Variants in COP1 observed in about 807,000 individuals in gnomAD.
The protein encoded by COP1 is E3 ubiquitin-protein ligase COP1.
Under a neutral mutation model 101.3 loss-of-function variants are expected in COP1, and 24 were observed. The ratio of observed to expected loss-of-function variants is 0.24; its 90% CI spans 0.17 to 0.33. The LOEUF (loss-of-function observed/expected upper bound fraction) is 0.33. Ranked by LOEUF, COP1 falls within the 10% of genes least tolerant of loss-of-function variation. The pLI, the probability that COP1 is intolerant of heterozygous loss-of-function variation, is 1.00. For missense variants in COP1, 663 were observed against 906.2 expected (o/e 0.73, Z 3.45); for synonymous variants, 347 against 341.9 (o/e 1.01, Z -0.17).
At chr1:176,116,580 A>G (rs1303564745) in intron 9 of COP1, 44 bp downstream of exon 9, 1 of 1,427,028 alleles carries the variant, frequency 7.0e-7, no homozygotes, top group Non-Finnish European at 9.8e-7. Context: ...AACTCAGATA[A>G]TTATACTCAT....
At chr1:176,005,003 G>A (rs986878200) in intron 15 of COP1, among the ~76,000 whole-genome samples, 43 of 151,916 alleles carry the variant, frequency 2.8e-4, no homozygotes, top group Admixed American at 2.3e-3. Context: ...TGGTTGGTAA[G>A]CTATTGATTC....
intron 16 of COP1, 197 bp downstream of exon 16, chr1:175,989,165 C>A: frequency 2.6e-6 from 1 of 387,846 alleles, no homozygotes; most frequent in Non-Finnish European, 4.6e-6. Flanking sequence ...ACCCACAATT[C>A]ACATATAAAA....
chr1:175,970,550 T>C (rs1466976049), intron 18 of COP1, among the ~76,000 whole-genome samples: 1 of 152,180 alleles, frequency 6.6e-6, no homozygotes. Context: ...AGTTAAGAAG[T>C]AGATATAGGA....
intron 15 of COP1, among the ~76,000 whole-genome samples, chr1:176,000,753 C>T (rs138544614): frequency 2.0e-5 from 3 of 151,478 alleles, no homozygotes; most frequent in Admixed American, 6.6e-5. Context: ...ATGTCATTTG[C>T]TCTTTTATGC....
In COP1 at chr1:176,027,585, A is replaced by G. The variant is rs745518364; in HGVS notation, c.1716T>C (p.Ala572=). Residue 572 remains alanine, a synonymous_variant, in exon 15 of 20, where the codon GCT becomes GCC. Coordinates refer to ENST00000367669, the MANE Select transcript of COP1 (RefSeq NM_022457.7). ...KFSPSSRYHL[A]FGCADHCVHY... is the part of the protein sequence containing the mutation. ...TTCATTTCTTACCTGCACAGCCGAA[A>G]GCCAAATGGTATCTGGAAGAGGGGC... 1.9e-6 allele frequency: 3 copies of G among 1,610,642 alleles called. No homozygotes were observed. In the South Asian group the frequency reaches 3.3e-5, roughly 18 times the overall value.
At chr1:176,166,557 T>C (rs1418061116) in intron 3 of COP1, among the ~76,000 whole-genome samples, 1 of 152,280 alleles carries the variant, frequency 6.6e-6, no homozygotes, top group African/African-American at 2.4e-5. Flanking sequence ...ATTTAAATTC[T>C]ACATTTACCA....
chr1:176,129,375 C>T (rs1435591607), intron 8 of COP1, among the ~76,000 whole-genome samples: 1 of 151,770 alleles, frequency 6.6e-6, no homozygotes, highest in Non-Finnish European at 1.5e-5. Context: ...CATAAATCTC[C>T]TCCTTCCTCT....
intron 3 of COP1, among the ~76,000 whole-genome samples, chr1:176,169,318 T>C (rs375941539): frequency 3.3e-5 from 5 of 152,320 alleles, no homozygotes; most frequent in East Asian, 1.9e-4. Context: ...AAATTATGTG[T>C]AATATTTATT....
At chr1:176,186,114 T>G (rs1329313484) in intron 1 of COP1, among the ~76,000 whole-genome samples, 1 of 150,326 alleles carries the variant, frequency 6.7e-6, no homozygotes, top group African/African-American at 2.5e-5. Flanking sequence ...GATTTGGGGG[T>G]CAGAGCAGGA....
At chr1:176,057,093 C>T (rs1206298264) in intron 11 of COP1, among the ~76,000 whole-genome samples, 2 of 152,180 alleles carry the variant, frequency 1.3e-5, no homozygotes, top group Non-Finnish European at 2.9e-5. Flanking sequence ...CATAGAAAGA[C>T]AAACTACCCC....
At chr1:175,994,114 T>C (rs1032099861) in intron 15 of COP1, among the ~76,000 whole-genome samples, 1 of 152,178 alleles carries the variant, frequency 6.6e-6, no homozygotes, top group Non-Finnish European at 1.5e-5. Flanking sequence ...AAAAGAATTT[T>C]CAACCCAGAA....
chr1:176,049,710 A>G (rs1672213202), intron 11 of COP1, among the ~76,000 whole-genome samples: 2 of 152,186 alleles, frequency 1.3e-5, no homozygotes, highest in African/African-American at 2.4e-5. Flanking sequence ...ACATGAACAT[A>G]ATGAGATTCT....
intron 15 of COP1, among the ~76,000 whole-genome samples, chr1:176,000,116 T>C (rs532110663): frequency 5.2e-4 from 79 of 152,242 alleles, no homozygotes; most frequent in Middle Eastern, 3.4e-3. Context: ...TAACTTGATA[T>C]GATCCCATTT....
In COP1 at chr1:176,175,964, G is replaced by C. The variant is rs1379631472; in HGVS notation, c.511C>G (p.Pro171Ala). 6.3e-7 allele frequency: 1 copy of C among 1,591,960 alleles called. No homozygotes were observed. The highest frequency in any genetic ancestry group is 8.6e-7 in the Non-Finnish European group (1 of 1,162,520). ...HQSLEDNNRC[P>A]KCNYVVDNID... ...TTGTCCACAACATAGTTACACTTGG[G>C]ACATCTATTATTGTCCTCCAAACTC... The change falls in exon 3 of 20, where the codon CCC becomes GCC. Residue 171 changes from proline (P) to alanine (A), a missense_variant. Coordinates refer to ENST00000367669, the MANE Select transcript of COP1 (RefSeq NM_022457.7).
chr1:176,124,210 C>G (rs1687628410), intron 8 of COP1, among the ~76,000 whole-genome samples: 1 of 152,092 alleles, frequency 6.6e-6, no homozygotes, highest in South Asian at 2.1e-4. Flanking sequence ...AATATCACAA[C>G]ATGGAGAATG....
chr1:176,134,650 T>G (rs1027691749), intron 8 of COP1, among the ~76,000 whole-genome samples: 21 of 152,144 alleles, frequency 1.4e-4, no homozygotes, highest in Middle Eastern at 3.4e-3. Flanking sequence ...AAGTCCAAGG[T>G]TTTATTTTAT....
chr1:175,997,292 A>G (rs992531216), intron 15 of COP1, among the ~76,000 whole-genome samples: 4 of 152,180 alleles, frequency 2.6e-5, no homozygotes, highest in African/African-American at 9.7e-5. Context: ...AAACCAAAAA[A>G]CCCTAGAAGA....
intron 9 of COP1, among the ~76,000 whole-genome samples, chr1:176,088,842 A>T (rs566888583): frequency 6.6e-6 from 1 of 152,024 alleles, no homozygotes; most frequent in South Asian, 2.1e-4. Flanking sequence ...CTAAAACTAC[A>T]AAATTAGCCA....
intron 11 of COP1, among the ~76,000 whole-genome samples, chr1:176,074,014 C>T (rs867244294): frequency 6.6e-6 from 1 of 152,180 alleles, no homozygotes; most frequent in Non-Finnish European, 1.5e-5. Context: ...GCAACCTCTG[C>T]CCCTTAGGTT....
Sources: gnomAD v4.1 joint callset for allele counts (sites outside exome capture counted in the v4.1 genomes callset) on GRCh38, gnomAD v4.1.1 for gene constraint, MANE v1.5 for transcripts, NCBI Gene and HGNC (gene_info 2026-07-23, HGNC 2026-07-21) for gene names.